The following FUT8 variants were observed in gnomAD, a reference collection of about 807,000 sequenced individuals.
FUT8 encodes fucosyltransferase 8, also known as alpha-(1,6)-fucosyltransferase.
Under a neutral mutation model 71.3 loss-of-function variants are expected in FUT8, and 29 were observed. The ratio of observed to expected loss-of-function variants is 0.41; its 90% confidence interval spans 0.30 to 0.55. The LOEUF (loss-of-function observed/expected upper bound fraction) is 0.55, where lower values mean the gene tolerates loss of function less well. Ranked by LOEUF, FUT8 falls within the 20% of genes least tolerant of loss-of-function variation. The pLI is 0.34. For missense variants in FUT8, 544 were observed against 702.1 expected, an observed-to-expected ratio of 0.77 and a Z score of 2.55; for synonymous variants, 254 against 239.3, an observed-to-expected ratio of 1.06 and a Z score of -0.57.
rs371503595 is a variant in FUT8 at position 65,691,597 on chromosome 14, CTTTATTTA to C, written c.835+22136_835+22143del. ...TTCCAATTGGTCATAGTGTATAATT[CTTTATTTA>C]TTTATTTATTTATTTATTGATCATT... On this transcript the variant is annotated intron_variant, in intron 7 of 10. Coordinates refer to ENST00000673929, the MANE Select transcript of FUT8 (RefSeq NM_001371533.1). Among the ~76,000 whole-genome samples the C allele has an allele frequency of 5.9e-5, 9 of 151,624 alleles. No individual in the cohort carries two copies. In the Middle Eastern group the frequency reaches 0.01, roughly 173 times the overall value.
chr14:65,480,718 TCTCA>T (rs1486326356), intron 2 of FUT8, among the ~76,000 whole-genome samples: 2 of 151,214 alleles, frequency 1.3e-5, no homozygotes, highest in Non-Finnish European at 2.9e-5. Flanking sequence ...TTAAATGGAG[TCTCA>T]CTCACTCAGG....
intron 7 of FUT8, among the ~76,000 whole-genome samples, chr14:65,681,593 A>G (rs1191941297): frequency 6.6e-6 from 1 of 152,192 alleles, no homozygotes; most frequent in South Asian, 2.1e-4. Context: ...TTTTGCATTT[A>G]AAACTATAGA....
intron 3 of FUT8, among the ~76,000 whole-genome samples, chr14:65,591,711 G>A (rs758174356): frequency 6.6e-6 from 1 of 152,080 alleles, no homozygotes; most frequent in Non-Finnish European, 1.5e-5. Flanking sequence ...AGTATAGTTT[G>A]AAGCTAGAAT....
At chr14:65,357,489 C>A in the FUT8 span, among the ~76,000 whole-genome samples, 2 of 152,198 alleles carry the variant, frequency 1.3e-5, no homozygotes, top group Non-Finnish European at 2.9e-5. Context: ...GGCTCTGCAG[C>A]CTAAGCAGAC....
chr14:65,362,346 A>T, the FUT8 span, among the ~76,000 whole-genome samples: 1 of 152,166 alleles, frequency 6.6e-6, no homozygotes, highest in African/African-American at 2.4e-5. Context: ...AGAATACAGG[A>T]ATTGATGAGC....
At chr14:65,559,829 C>T (rs1300100923) in intron 2 of FUT8, among the ~76,000 whole-genome samples, 1 of 151,934 alleles carries the variant, frequency 6.6e-6, no homozygotes, top group Non-Finnish European at 1.5e-5. Flanking sequence ...AAGAAAGGGA[C>T]AGGATAAACA....
Position 65,733,199 on chromosome 14 carries a change from A to G in FUT8, c.1260-32A>G, listed in dbSNP as rs201075122. Reference sequence around the variant, plus strand: ...CTTCTGATAGGATACTGTGATATCTATGACCATCTATAAATTAATTTATTT... The same window carrying G: ...CTTCTGATAGGATACTGTGATATCTGTGACCATCTATAAATTAATTTATTT... On this transcript the variant is annotated intron_variant, in intron 9 of 10. Coordinates refer to ENST00000673929, the MANE Select transcript of FUT8 (RefSeq NM_001371533.1). 315 of 1,428,088 alleles carry G rather than the reference A, an allele frequency of 2.2e-4. 1 individual carries two copies. In the African/African-American group the frequency reaches 3.7e-3, roughly 17 times the overall value. The allele number at this position is 1,428,088 out of a possible 1,614,324, so 88.5% of individuals were successfully genotyped here.
rs75373688 is a variant in FUT8, at chr14:65,726,131, C to T, written c.1259+1808C>T. ...TAAATGAACATTTGGGCACAAAACA[C>T]AATAAAAAAATGTATAGTTTACCAT... is the stretch of plus-strand genomic sequence containing the variant. On this transcript the variant is annotated intron_variant, in intron 9 of 10. Transcript: ENST00000673929. 4.1e-3 allele frequency among the ~76,000 whole-genome samples: 629 copies of T among 152,146 alleles called. 4 individuals are homozygous for T. The highest frequency in any genetic ancestry group is 0.034 in the East Asian group (178 of 5,176).
intron 2 of FUT8, among the ~76,000 whole-genome samples, chr14:65,487,473 G>T (rs2066425033): frequency 6.8e-6 from 1 of 146,602 alleles, no homozygotes; most frequent in South Asian, 2.2e-4. Context: ...TGAGGCAGGA[G>T]AATCACTTGA....
chr14:65,399,407 C>T, the FUT8 span, among the ~76,000 whole-genome samples: 4 of 152,180 alleles, frequency 2.6e-5, no homozygotes, highest in East Asian at 1.9e-4. Flanking sequence ...TGTTGGTGAA[C>T]ATCAGCCCTG....
At chr14:65,608,139 A>G (rs902943954) in intron 3 of FUT8, among the ~76,000 whole-genome samples, 2 of 150,832 alleles carry the variant, frequency 1.3e-5, no homozygotes, top group Non-Finnish European at 3.0e-5. Context: ...GAAAATTTTT[A>G]TATATTATTG....
At chr14:65,474,455 A>AAAAAAAAAAAAAAAAAAAAAAAAAAAC (rs1471830754) in intron 2 of FUT8, among the ~76,000 whole-genome samples, 1 of 147,700 alleles carries the variant, frequency 6.8e-6, no homozygotes, top group Non-Finnish European at 1.5e-5. Context: ...AAAAAAAAAA[A>AAAAAAAAAAAAAAAAAAAAAAAAAAAC]AAGCCAGGCG....
intron 8 of FUT8, 116 bp downstream of exon 8, chr14:65,722,137 G>A (rs1188511615): frequency 1.5e-6 from 2 of 1,303,082 alleles, no homozygotes; most frequent in African/African-American, 3.0e-5. Context: ...CCCACCAAAG[G>A]ACAGAGGTTC....
chr14:65,373,471 T>G, the FUT8 span, among the ~76,000 whole-genome samples: 2 of 151,424 alleles, frequency 1.3e-5, no homozygotes, highest in Non-Finnish European at 2.9e-5. Context: ...AGAGAGGAGA[T>G]AGGATGCAGA....
chr14:65,706,569 T>TG (rs1894564949), intron 7 of FUT8, among the ~76,000 whole-genome samples: 1 of 152,110 alleles, frequency 6.6e-6, no homozygotes, highest in Admixed American at 6.5e-5. Context: ...ATTTATTTCT[T>TG]GCAGTTCTAA....
rs539535711 is a variant in FUT8, at chr14:65,622,115, C to T, written c.482+5742C>T. Among the ~76,000 whole-genome samples, 25 of 152,332 alleles carry T rather than the reference C, an allele frequency of 1.6e-4. No homozygotes were observed. In the East Asian group the frequency reaches 3.9e-3, roughly 24 times the overall value. ...CTGGGATTACAGGCGTCAGCCACTGCGCCTAGCTTAGTTCCATTTTTATAA... is the reference window on the plus strand; with the variant it reads ...CTGGGATTACAGGCGTCAGCCACTGTGCCTAGCTTAGTTCCATTTTTATAA... On this transcript the variant is annotated intron_variant, in intron 5 of 10. Coordinates refer to ENST00000673929, the MANE Select transcript of FUT8 (RefSeq NM_001371533.1).
At chr14:65,445,804 T>A (rs2065730807) in intron 1 of FUT8, among the ~76,000 whole-genome samples, 1 of 152,250 alleles carries the variant, frequency 6.6e-6, no homozygotes, top group African/African-American at 2.4e-5. Flanking sequence ...TTTTATTTTT[T>A]AAAAAGTAGA....
At position 65,721,932 on chromosome 14, in the gene FUT8, T is replaced by C; in HGVS notation, c.993T>C (p.Phe331=). 6.2e-7 allele frequency: 1 copy of C among 1,614,196 alleles called. No homozygotes were observed. Among genetic ancestry groups the C allele is most frequent in the South Asian group, 1.1e-5 (1 of 91,076 alleles). Residue 331 remains phenylalanine (F), a synonymous_variant, in exon 8 of 11, where the codon TTT becomes TTC. Transcript: ENST00000673929. ...CTGCAGTGTGGTGGGTGTCTCAGTT[T>C]GTCAAATACTTGATCCGCCCACAGC... ...GDPAVWWVSQ[F]VKYLIRPQPW...
At chr14:65,359,114 A>C in the FUT8 span, among the ~76,000 whole-genome samples, 1 of 152,018 alleles carries the variant, frequency 6.6e-6, no homozygotes, top group Admixed American at 6.6e-5. Context: ...AGGGGCACTG[A>C]CTTTTGAAGA....
Sources: gnomAD v4.1 joint callset for allele counts (sites outside exome capture counted in the v4.1 genomes callset) on GRCh38, gnomAD v4.1.1 for gene constraint, MANE v1.5 for transcripts, NCBI Gene and HGNC (gene_info 2026-07-23, HGNC 2026-07-21) for gene names.